The following AP3D1 variants were observed in gnomAD, a reference collection of about 807,000 sequenced individuals.
The protein encoded by AP3D1 is AP-3 complex subunit delta-1.
A neutral mutation model predicts 147.6 loss-of-function variants in AP3D1; 51 were observed. The observed-to-expected ratio is 0.35, with a 90% CI of 0.28 to 0.44. The LOEUF (loss-of-function observed/expected upper bound fraction) is 0.44, where lower values mean the gene tolerates loss of function less well. Among genes scored for constraint, AP3D1 ranks in the 20% least tolerant of loss-of-function variants. The probability of loss-of-function intolerance (pLI) is 1.00; values close to 1 mark genes in which losing one functional copy is unlikely to be tolerated. For synonymous variants in AP3D1, 760 were observed against 663.0 expected (o/e 1.15, Z -2.25); for missense variants, 1,421 against 1,624.2 (o/e 0.87, Z 2.15).
At chr19:2,109,980 G>A (rs770248777) in intron 28 of AP3D1, 22 bp from the exon 29 acceptor site, 1 of 1,612,706 alleles carries the variant, frequency 6.2e-7, no homozygotes, top group South Asian at 1.1e-5. Context: ...TGAAGGTGGT[G>A]CAGTTGAGAG....
intron 1 of AP3D1, among the ~76,000 whole-genome samples, chr19:2,144,806 G>A (rs1599493590): frequency 6.6e-6 from 1 of 152,232 alleles, no homozygotes; most frequent in Admixed American, 6.5e-5. Context: ...AGGAGGCTGA[G>A]GCAGGAGAAT....
intron 1 of AP3D1, among the ~76,000 whole-genome samples, chr19:2,148,819 T>C (rs1386404888): frequency 6.6e-6 from 1 of 152,216 alleles, no homozygotes; most frequent in Non-Finnish European, 1.5e-5. Context: ...GTTTCCATGA[T>C]GCCACACTCA....
At chr19:2,160,415 G>A (rs1409712214) in intron 1 of AP3D1, among the ~76,000 whole-genome samples, 2 of 152,108 alleles carry the variant, frequency 1.3e-5, no homozygotes, top group Admixed American at 1.3e-4. Flanking sequence ...TGTAATCCCC[G>A]CTACTCGGGA....
chr19:2,151,822 C>T (rs758148146), upstream of AP3D1, among the ~76,000 whole-genome samples: 22 of 152,264 alleles, frequency 1.4e-4, no homozygotes, highest in Non-Finnish European at 2.8e-4. Flanking sequence ...TAGCCACGCC[C>T]CTTAGAGGCT....
At chr19:2,145,912 A>C (rs544788103) in intron 1 of AP3D1, among the ~76,000 whole-genome samples, 1 of 152,258 alleles carries the variant, frequency 6.6e-6, no homozygotes, top group African/African-American at 2.4e-5. Flanking sequence ...AACCGCACTC[A>C]TAAGCAGGGC....
intron 1 of AP3D1, among the ~76,000 whole-genome samples, chr19:2,156,764 G>A (rs541664136): frequency 1.3e-5 from 2 of 151,998 alleles, no homozygotes; most frequent in Admixed American, 6.6e-5. Flanking sequence ...CAGGAGAATC[G>A]CTTGAACCTG....
chr19:2,102,771 A>AT (rs2017994577), intron 31 of AP3D1, among the ~76,000 whole-genome samples: 1 of 148,552 alleles, frequency 6.7e-6, no homozygotes, highest in Non-Finnish European at 1.5e-5. Flanking sequence ...AAATAAATAA[A>AT]TAAATAAATA....
At position 2,120,981 on chromosome 19, in the gene AP3D1, G is replaced by C; in HGVS notation, c.1362C>G (p.Phe454Leu). 1 of 1,612,152 alleles carries C rather than the reference G, an allele frequency of 6.2e-7. No homozygotes were observed. The change falls in exon 14 of 32, where the codon TTC becomes TTG. Residue 454 changes from phenylalanine to leucine, a missense_variant. Physicochemically the swap from Phe to Leu is conservative, Grantham distance 22 (BLOSUM62 0). This residue lies in a region of AP3D1 where 310 missense variants were observed against 388.1 expected (regional missense o/e 0.80). Coordinates refer to ENST00000643116, the MANE Select transcript of AP3D1 (RefSeq NM_001261826.3). ...VAIRVKAIRKFAVSQMSALLD... is the reference protein window; with the variant it reads ...VAIRVKAIRKLAVSQMSALLD... ...GCAGCGCAGACATCTGGGACACGGCGAACTTGCGGATGGCCTTCACGCGGA... is the reference window on the plus strand; with the variant it reads ...GCAGCGCAGACATCTGGGACACGGCCAACTTGCGGATGGCCTTCACGCGGA...
In AP3D1 at chr19:2,114,293, G is replaced by C; in HGVS notation, c.2433C>G (p.Ala811=). ...ALDIDLDKPL[A]DSEKLPIQKH... is the part of the protein sequence containing the mutation. ...TCTGAATAGGCAGTTTCTCGCTGTC[G>C]GCTAAGGGCCTGGAGGAGGAATGAC... Residue 811 remains alanine, a synonymous_variant, in exon 22 of 32, where the codon GCC becomes GCG. Transcript: ENST00000643116. 1 of 1,610,994 alleles carries C rather than the reference G, an allele frequency of 6.2e-7. No individual in the cohort carries two copies. Among genetic ancestry groups the C allele is most frequent in the Admixed American group, 1.7e-5 (1 of 59,046 alleles).
chr19:2,150,013 G>A (rs1392970629), intron 1 of AP3D1, among the ~76,000 whole-genome samples: 2 of 152,224 alleles, frequency 1.3e-5, no homozygotes, highest in Admixed American at 6.5e-5. Context: ...AGGGAAGTGG[G>A]GTGGAGAAGA....
intron 6 of AP3D1, among the ~76,000 whole-genome samples, chr19:2,130,197 G>A (rs1298650676): frequency 6.6e-6 from 1 of 152,162 alleles, no homozygotes; most frequent in Non-Finnish European, 1.5e-5. Flanking sequence ...CTCACCGCCA[G>A]CTGCCACATT....
intron 31 of AP3D1, 59 bp from the exon 32 acceptor site, chr19:2,102,327 C>T: frequency 6.8e-7 from 1 of 1,465,160 alleles, no homozygotes; most frequent in Admixed American, 1.7e-5. Context: ...GGCACGGTGG[C>T]TCAAGTCTGT....
chr19:2,136,364 T>C (rs1378342414), intron 4 of AP3D1, among the ~76,000 whole-genome samples: 1 of 152,122 alleles, frequency 6.6e-6, no homozygotes, highest in Non-Finnish European at 1.5e-5. Context: ...CCCTTGCACA[T>C]GGACATTGGA....
At position 2,137,107 on chromosome 19, in the gene AP3D1, T is replaced by G. The variant is rs201904197; in HGVS notation, c.274-16A>C. ...AGCCAATTCGCTGGGAGAGAACAGA[T>G]GAGCACATCAGAGGCAGGACACCCG... On this transcript the variant is annotated splice_polypyrimidine_tract_variant and intron_variant, in intron 3 of 31. Coordinates refer to ENST00000643116, the MANE Select transcript of AP3D1 (RefSeq NM_001261826.3). The G allele has an allele frequency of 2.7e-4, 421 of 1,571,348 alleles. No individual in the cohort carries two copies. In the African/African-American group the frequency reaches 5.3e-3, roughly 20 times the overall value.
exon 1 of AP3D1, chr19:2,164,410 G>C (rs987623726): frequency 2.0e-6 from 1 of 504,000 alleles, no homozygotes; most frequent in African/African-American, 2.0e-5. Flanking sequence ...CTCCACCCCC[G>C]TTGCTTCCCG....
At chr19:2,116,849 CCAAA>C (rs1296052858) in intron 16 of AP3D1, 103 bp from the exon 17 acceptor site, 57 of 1,407,152 alleles carry the variant, frequency 4.1e-5, no homozygotes, top group African/African-American at 7.2e-5. Flanking sequence ...ATGTGATATC[CCAAA>C]CAGTGGGGCC....
rs746619314 is a variant in AP3D1, at chr19:2,137,004, C to A, written c.354+7G>T. The stretch of plus-strand genomic sequence containing the variant: ...GCACAGAGCGGCCCCGGCCCGGGAA[C>A]ACCCACCTTACGGATCTGATTGGTG... On this transcript the variant is annotated splice_region_variant and intron_variant, in intron 4 of 31. Coordinates refer to ENST00000643116, the MANE Select transcript of AP3D1 (RefSeq NM_001261826.3). The A allele has an allele frequency of 2.5e-6, 4 of 1,582,550 alleles. No homozygotes were observed. Among genetic ancestry groups the A allele is most frequent in the Non-Finnish European group, 3.4e-6 (4 of 1,164,596 alleles).
At chr19:2,150,343 G>A (rs1019979804) in intron 1 of AP3D1, among the ~76,000 whole-genome samples, 16 of 152,288 alleles carry the variant, frequency 1.1e-4, no homozygotes, top group Admixed American at 1.3e-4. Context: ...GGGCTGCACG[G>A]GTATCCTTAA....
chr19:2,117,528 A>C (rs994848740), intron 15 of AP3D1, among the ~76,000 whole-genome samples, 161 bp from the exon 16 acceptor site: 1 of 152,196 alleles, frequency 6.6e-6, no homozygotes, highest in Non-Finnish European at 1.5e-5. Context: ...CTCTGTCGTC[A>C]TCATCCTCGC....
Sources: allele counts gnomAD v4.1 joint callset (sites outside exome capture counted in the v4.1 genomes callset), GRCh38; gene constraint gnomAD v4.1.1; regional missense constraint gnomAD v4.1.1; transcripts MANE v1.5; gene names NCBI Gene and HGNC (gene_info 2026-07-23, HGNC 2026-07-21).